The following ZNRF1 variants were observed in gnomAD, a reference collection of about 807,000 sequenced individuals.
ZNRF1 encodes zinc and ring finger 1, also known as E3 ubiquitin-protein ligase ZNRF1.
ZNRF1 carries 3 observed loss-of-function variants against 18.4 expected under a neutral mutation model. The observed-to-expected ratio is 0.16, with a 90% CI of 0.07 to 0.42. ZNRF1 has a LOEUF of 0.42. Ranked by LOEUF, ZNRF1 falls within the 10% of genes least tolerant of loss-of-function variation. The pLI is 0.99. For synonymous variants in ZNRF1, 157 were observed against 144.2 expected (o/e 1.09, Z -0.64); for missense variants, 310 against 329.8 (o/e 0.94, Z 0.47).
At chr16:75,079,421 G>A (rs775062691) in intron 1 of ZNRF1, among the ~76,000 whole-genome samples, 6 of 152,156 alleles carry the variant, frequency 3.9e-5, no homozygotes, top group Admixed American at 1.3e-4. Flanking sequence ...CAGAGGTTGC[G>A]GGGAGCCGAG....
intron 1 of ZNRF1, among the ~76,000 whole-genome samples, chr16:75,062,372 G>A (rs566846085): frequency 1.3e-5 from 2 of 152,360 alleles, no homozygotes; most frequent in African/African-American, 4.8e-5. Context: ...CATCGACAGT[G>A]GCTCATGGCC....
At chr16:75,094,248 G>C (rs1326631079) in intron 2 of ZNRF1, among the ~76,000 whole-genome samples, 1 of 152,172 alleles carries the variant, frequency 6.6e-6, no homozygotes, top group African/African-American at 2.4e-5. Context: ...AATGCGGATA[G>C]GACACCTTGC....
chr16:75,058,040 C>T (rs757289710), intron 1 of ZNRF1, among the ~76,000 whole-genome samples: 2 of 152,030 alleles, frequency 1.3e-5, no homozygotes, highest in African/African-American at 2.4e-5. Flanking sequence ...GAGAGAGAAC[C>T]GCATTCCATC....
chr16:75,032,834 G>GC (rs1220432481), intron 1 of ZNRF1, among the ~76,000 whole-genome samples: 3 of 152,150 alleles, frequency 2.0e-5, no homozygotes, highest in African/African-American at 7.2e-5. Flanking sequence ...GGGCAACACA[G>GC]CAAGACCCTG....
intron 1 of ZNRF1, among the ~76,000 whole-genome samples, chr16:75,055,028 T>A (rs1270903281): frequency 6.6e-6 from 1 of 152,152 alleles, no homozygotes; most frequent in Non-Finnish European, 1.5e-5. Context: ...TAGAACAAAT[T>A]CAGAAAGACG....
chr16:75,104,844 G>A lies in ZNRF1; in HGVS notation c.581G>A (p.Gly194Glu), dbSNP rs1183469640. Residue 194 changes from glycine (G) to glutamate (E), a missense_variant, in exon 3 of 5, where the codon GGG (glycine) becomes GAG (glutamate). By Grantham distance (98) the Gly-to-Glu change is moderately conservative. Transcript: ENST00000335325. ...CVICLEELLQGDTIARLPCLC... is the reference protein window; with the variant it reads ...CVICLEELLQEDTIARLPCLC... ...ATCTGCCTGGAGGAGCTGCTGCAGG[G>A]GGACACGATAGCCAGGCTGCCCTGC... The A allele has an allele frequency of 6.2e-7, 1 of 1,611,098 alleles. No homozygotes were observed. The highest frequency in any genetic ancestry group is 8.5e-7 in the Non-Finnish European group (1 of 1,179,122).
At chr16:75,044,792 A>T (rs2035493531) in intron 1 of ZNRF1, among the ~76,000 whole-genome samples, 1 of 152,232 alleles carries the variant, frequency 6.6e-6, no homozygotes, top group Non-Finnish European at 1.5e-5. Context: ...GACTGCGTTT[A>T]TAACAAATGA....
rs559689606 is a variant in ZNRF1 at position 75,031,827 on chromosome 16, C to T, written c.424+31732C>T. Reference sequence around the variant, plus strand: ...ATATATACCTACGAGTAGAATTGCTCGGTCAGTTCTACTGTGTCGAGTCAA... The same window carrying T: ...ATATATACCTACGAGTAGAATTGCTTGGTCAGTTCTACTGTGTCGAGTCAA... On this transcript the variant is annotated intron_variant, in intron 1 of 4. Transcript: ENST00000335325. 1.1e-3 allele frequency among the ~76,000 whole-genome samples: 175 copies of T among 152,192 alleles called. 2 individuals are homozygous for T. Among genetic ancestry groups the T allele is most frequent in the Non-Finnish European group, 4.6e-4 (31 of 68,012 alleles).
At chr16:75,008,411 C>T (rs949261618) in intron 1 of ZNRF1, among the ~76,000 whole-genome samples, 1 of 152,114 alleles carries the variant, frequency 6.6e-6, no homozygotes, top group African/African-American at 2.4e-5. Flanking sequence ...ACTTGTCTTC[C>T]TCCTGACTTT....
chr16:75,006,643 C>A (rs2034921415), intron 1 of ZNRF1, among the ~76,000 whole-genome samples: 1 of 152,156 alleles, frequency 6.6e-6, no homozygotes. Context: ...ACCATGTTGG[C>A]CAGGCTGGTC....
intron 1 of ZNRF1, among the ~76,000 whole-genome samples, chr16:75,020,040 G>T (rs566811831): frequency 6.6e-6 from 1 of 151,838 alleles, no homozygotes; most frequent in African/African-American, 2.4e-5. Context: ...ATTCCAGAGA[G>T]AACTATGTTA....
chr16:75,109,952 AAGG>A lies in ZNRF1; in HGVS notation c.*2255_*2257del, dbSNP rs1363247183. The A allele has an allele frequency of 2.6e-5, 4 of 152,346 alleles. No homozygotes were observed. Among genetic ancestry groups the A allele is most frequent in the Non-Finnish European group, 2.9e-5 (2 of 68,138 alleles). The allele number at this position is 152,346 out of a possible 1,614,324, so 9.4% of individuals were successfully genotyped here. The stretch of plus-strand genomic sequence containing the variant: ...GCTGGCGAGGCAGGGCCCAGCCCTG[AAGG>A]AGATCTCCTTGCCTGACCCCTGGAC... On this transcript the variant is annotated 3_prime_UTR_variant, in exon 5 of 5. Transcript: ENST00000335325.
rs952815703 is a variant in ZNRF1, at chr16:75,079,210, G to C, written c.425-14362G>C. 2.0e-5 allele frequency among the ~76,000 whole-genome samples: 3 copies of C among 152,170 alleles called. No individual in the cohort carries two copies. In the East Asian group the frequency reaches 5.8e-4, roughly 29 times the overall value. On this transcript the variant is annotated intron_variant, in intron 1 of 4. Coordinates refer to ENST00000335325, the MANE Select transcript of ZNRF1 (RefSeq NM_032268.5). ...AAAACTGCTTTTGGGGGCCGGGCGC[G>C]GTGGCTCATGCCTGTAATCCCAACT...
At chr16:75,102,628 C>T (rs1202163872) in intron 2 of ZNRF1, among the ~76,000 whole-genome samples, 1 of 152,200 alleles carries the variant, frequency 6.6e-6, no homozygotes, top group Non-Finnish European at 1.5e-5. Flanking sequence ...GGTTTGTCTT[C>T]TGCCTTCTTT....
chr16:75,045,823 C>T (rs1694389254), intron 1 of ZNRF1, among the ~76,000 whole-genome samples: 8 of 151,702 alleles, frequency 5.3e-5, no homozygotes, highest in Admixed American at 5.3e-4. Context: ...TCAAGTGATC[C>T]TCCCACCTCA....
In ZNRF1 at chr16:75,108,872, G is replaced by A. The variant is rs1041231858; in HGVS notation, c.*1172G>A. On this transcript the variant is annotated 3_prime_UTR_variant, in exon 5 of 5. Coordinates refer to ENST00000335325, the MANE Select transcript of ZNRF1 (RefSeq NM_032268.5). ...CTCAGATAGTCAGGCCTGGGTGGAG[G>A]GAGTGGCAAGTCAGGCGTGCCTCCT... 7 of 284,444 alleles carry A rather than the reference G, an allele frequency of 2.5e-5. No individual in the cohort carries two copies. Among genetic ancestry groups the A allele is most frequent in the African/African-American group, 1.3e-4 (6 of 46,206 alleles). 17.6% of individuals were successfully genotyped at this position (284,444 alleles called of 1,614,324 possible). A position where few individuals can be genotyped will look rare whatever the true frequency, so the allele number is the denominator to read the frequency against.
chr16:75,024,367 A>T (rs1415829491), intron 1 of ZNRF1, among the ~76,000 whole-genome samples: 2 of 152,216 alleles, frequency 1.3e-5, no homozygotes, highest in Non-Finnish European at 2.9e-5. Context: ...ACGTTTTTTT[A>T]AAAAGTCTAT....
chr16:75,020,220 C>T (rs145553118), intron 1 of ZNRF1, among the ~76,000 whole-genome samples: 1 of 152,014 alleles, frequency 6.6e-6, no homozygotes, highest in Non-Finnish European at 1.5e-5. Flanking sequence ...GTATTAATGT[C>T]AGCTTTCTTT....
chr16:75,013,134 G>T (rs760139810), intron 1 of ZNRF1, among the ~76,000 whole-genome samples: 3 of 152,146 alleles, frequency 2.0e-5, no homozygotes, highest in African/African-American at 4.8e-5. Flanking sequence ...TTTTTCTTAG[G>T]TTATATAGTA....
Sources: allele counts gnomAD v4.1 joint callset (sites outside exome capture counted in the v4.1 genomes callset), GRCh38; gene constraint gnomAD v4.1.1; transcripts MANE v1.5; gene names NCBI Gene and HGNC (gene_info 2026-07-23, HGNC 2026-07-21).